Variants in GABRA2 observed in about 807,000 individuals in gnomAD.
GABRA2 encodes the protein gamma-aminobutyric acid type A receptor subunit alpha2, also known as gamma-aminobutyric acid receptor subunit alpha-2.
Under a neutral mutation model 48.7 loss-of-function variants are expected in GABRA2, and 16 were observed. That is an observed-to-expected ratio of 0.33 (90% CI 0.22 to 0.50). The LOEUF is 0.50. Among genes scored for constraint, GABRA2 ranks in the 20% least tolerant of loss-of-function variants. The pLI is 0.98. For missense variants in GABRA2, 275 were observed against 535.6 expected (o/e 0.51, Z 4.80); for synonymous variants, 185 against 184.5 (o/e 1.00, Z -0.02).
intron 3 of GABRA2, among the ~76,000 whole-genome samples, chr4:46,382,867 T>C (rs1438363131): frequency 1.3e-5 from 2 of 152,190 alleles, no homozygotes; most frequent in African/African-American, 2.4e-5. Flanking sequence ...TATATCATAG[T>C]TATAAAGGAA....
chr4:46,298,598 A>G (rs1285447642), intron 8 of GABRA2, among the ~76,000 whole-genome samples: 2 of 152,108 alleles, frequency 1.3e-5, no homozygotes, highest in East Asian at 1.9e-4. Context: ...TATTTATCAT[A>G]TATTTTATAG....
chr4:46,353,644 G>T (rs1380381242), intron 3 of GABRA2, among the ~76,000 whole-genome samples: 1 of 151,886 alleles, frequency 6.6e-6, no homozygotes, highest in East Asian at 1.9e-4. Context: ...CTTCCCTATT[G>T]TAGAATGCTA....
chr4:46,275,414 C>T (rs1167257637), intron 8 of GABRA2, among the ~76,000 whole-genome samples: 6 of 151,976 alleles, frequency 3.9e-5, no homozygotes, highest in South Asian at 2.1e-4. Context: ...CCAGTTATGA[C>T]CTAGAGGTTC....
In GABRA2 at chr4:46,331,885, C is replaced by A. The variant is rs116199293; in HGVS notation, c.255+730G>T. Among the ~76,000 whole-genome samples the A allele has an allele frequency of 2.3e-3, 356 of 152,120 alleles. 1 individual carries two copies. The highest frequency in any genetic ancestry group is 8.1e-3 in the African/African-American group (336 of 41,512). ...CACAGGCATGTGCTATCACACCCTG[C>A]TAATTTTGATATTTTTGGGTAAACA... is the stretch of plus-strand genomic sequence containing the variant. On this transcript the variant is annotated intron_variant, in intron 4 of 9. Transcript: ENST00000381620.
At chr4:46,371,456 C>G (rs1714876387) in intron 3 of GABRA2, among the ~76,000 whole-genome samples, 1 of 152,092 alleles carries the variant, frequency 6.6e-6, no homozygotes, top group Non-Finnish European at 1.5e-5. Context: ...TTGTTCACAA[C>G]CTTCATTACA....
At chr4:46,319,187 G>A (rs537141251) in intron 4 of GABRA2, among the ~76,000 whole-genome samples, 1 of 151,630 alleles carries the variant, frequency 6.6e-6, no homozygotes, top group South Asian at 2.1e-4. Flanking sequence ...CTTAATGAAG[G>A]CATCATATTC....
At chr4:46,378,137 C>A (rs1472922611) in intron 3 of GABRA2, among the ~76,000 whole-genome samples, 1 of 152,024 alleles carries the variant, frequency 6.6e-6, no homozygotes, top group African/African-American at 2.4e-5. Context: ...TCTGCCCGGC[C>A]ACCACCCCGT....
chr4:46,357,181 T>A (rs1736127149), intron 3 of GABRA2, among the ~76,000 whole-genome samples: 1 of 151,710 alleles, frequency 6.6e-6, no homozygotes, highest in Non-Finnish European at 1.5e-5. Flanking sequence ...GCCCCAGAAC[T>A]CCTAGGGTGA....
chr4:46,355,866 CTA>C (rs1431284128), intron 3 of GABRA2, among the ~76,000 whole-genome samples: 3 of 152,136 alleles, frequency 2.0e-5, no homozygotes, highest in Admixed American at 1.3e-4. Flanking sequence ...GTCTTTCTAA[CTA>C]CACACCTCAT....
At position 46,243,714 on chromosome 4, in the gene GABRA2, T is replaced by A. The variant is rs1174251866; in HGVS notation, c.*6594A>T. The A allele has an allele frequency of 6.6e-6, 1 of 151,432 alleles. No individual in the cohort carries two copies. The highest frequency in any genetic ancestry group is 1.5e-5 in the Non-Finnish European group (1 of 67,574). The allele number at this position is 151,432 out of a possible 1,614,324, so 9.4% of individuals were successfully genotyped here. A position where few individuals can be genotyped will look rare whatever the true frequency, so the allele number is the denominator to read the frequency against. The stretch of plus-strand genomic sequence containing the variant: ...CAAGGTCACAATTACAAATATTAGT[T>A]CTTGAGTTATTTTCATGAACCAGAA... On this transcript the variant is annotated 3_prime_UTR_variant, in exon 10 of 10. Coordinates refer to ENST00000381620, the MANE Select transcript of GABRA2 (RefSeq NM_000807.4).
rs80256591 is a variant in GABRA2, at chr4:46,332,596, T to C, written c.255+19A>G. 5.7e-4 allele frequency: 839 copies of C among 1,468,390 alleles called. 9 individuals are homozygous for C. The East Asian group carries it at 0.013, about 23-fold the overall frequency. The allele number at this position is 1,468,390 out of a possible 1,614,324, so 91.0% of individuals were successfully genotyped here. ...TCCCCATTATGTGAAGTAAAAATAC[T>C]ATTTAATGAAAAACTCACCATATCT... On this transcript the variant is annotated intron_variant, in intron 4 of 9. Transcript: ENST00000381620.
chr4:46,287,315 T>G (rs1048407528), intron 8 of GABRA2, among the ~76,000 whole-genome samples: 17 of 152,110 alleles, frequency 1.1e-4, no homozygotes, highest in Non-Finnish European at 2.4e-4. Context: ...ACTTGGCTAT[T>G]CAGGCTCTTT....
chr4:46,366,720 T>C (rs1477224589), intron 3 of GABRA2: 1 of 152,104 alleles, frequency 6.6e-6, no homozygotes, highest in Non-Finnish European at 1.5e-5. Context: ...TGTTAGAAAT[T>C]ATAATTTAGT....
At chr4:46,341,020 T>C (rs1391286232) in intron 3 of GABRA2, among the ~76,000 whole-genome samples, 1 of 152,012 alleles carries the variant, frequency 6.6e-6, no homozygotes, top group Non-Finnish European at 1.5e-5. Flanking sequence ...TGAATCCCTC[T>C]ATTAAAGGTT....
At chr4:46,251,633 A>G (rs1714778167) in intron 9 of GABRA2, among the ~76,000 whole-genome samples, 1 of 151,438 alleles carries the variant, frequency 6.6e-6, no homozygotes, top group South Asian at 2.1e-4. Context: ...CTAAGAAAGG[A>G]CTTTCTTAAG....
At chr4:46,359,071 T>C (rs1418972991) in intron 3 of GABRA2, among the ~76,000 whole-genome samples, 5 of 152,176 alleles carry the variant, frequency 3.3e-5, no homozygotes, top group Non-Finnish European at 7.3e-5. Context: ...CAAAACTTAG[T>C]TTAAGTATAA....
chr4:46,389,160 C>A, intron 1 of GABRA2: 1 of 989,720 alleles, frequency 1.0e-6, no homozygotes, highest in Non-Finnish European at 1.2e-6. Context: ...CCCCCTCAAC[C>A]AAGACCACCT....
chr4:46,286,538 G>A (rs1722577550), intron 8 of GABRA2, among the ~76,000 whole-genome samples: 2 of 151,988 alleles, frequency 1.3e-5, no homozygotes, highest in Non-Finnish European at 2.9e-5. Context: ...TGTTCACAGT[G>A]GATGCAACAT....
intron 3 of GABRA2, among the ~76,000 whole-genome samples, chr4:46,372,838 G>T (rs1474273599): frequency 1.3e-5 from 2 of 152,112 alleles, no homozygotes; most frequent in Non-Finnish European, 2.9e-5. Flanking sequence ...TCTCTAAGAG[G>T]GTGGGGAAAA....
Sources: allele counts gnomAD v4.1 joint callset (sites outside exome capture counted in the v4.1 genomes callset), GRCh38; gene constraint gnomAD v4.1.1; transcripts MANE v1.5; gene names NCBI Gene and HGNC (gene_info 2026-07-23, HGNC 2026-07-21).